Variants in BBX observed in about 807,000 individuals in gnomAD.
BBX encodes BBX high mobility group box domain containing.
In BBX, 30 loss-of-function variants were observed where a neutral mutation model predicts 100.2. The observed-to-expected ratio is 0.30, with a 90% confidence interval of 0.22 to 0.41. BBX has a LOEUF of 0.41. Among genes scored for constraint, BBX ranks in the 10% least tolerant of loss-of-function variants. The pLI, the probability that BBX is intolerant of heterozygous loss-of-function variation, is 1.00. For missense variants in BBX, 1,023 were observed against 1,129.8 expected (o/e 0.91, Z 1.35); for synonymous variants, 376 against 388.1 (o/e 0.97, Z 0.37).
At chr3:107,800,205 G>A (rs1407757305) in intron 16 of BBX, among the ~76,000 whole-genome samples, 1 of 152,188 alleles carries the variant, frequency 6.6e-6, no homozygotes, top group Non-Finnish European at 1.5e-5. Context: ...CTAACACCTA[G>A]ATGTCCTGAT....
chr3:107,553,073 G>T (rs1337361037), intron 2 of BBX, among the ~76,000 whole-genome samples: 5 of 152,112 alleles, frequency 3.3e-5, no homozygotes, highest in Non-Finnish European at 7.4e-5. Context: ...TGCTAAATTT[G>T]CTGAGTTTGA....
chr3:107,584,481 C>T (rs1291435366), intron 2 of BBX, among the ~76,000 whole-genome samples: 2 of 149,664 alleles, frequency 1.3e-5, no homozygotes, highest in South Asian at 4.2e-4. Flanking sequence ...GGATGATAGC[C>T]CCTAACGTTA....
chr3:107,537,631 A>G (rs2048590023), intron 2 of BBX, among the ~76,000 whole-genome samples: 1 of 152,206 alleles, frequency 6.6e-6, no homozygotes, highest in Admixed American at 6.5e-5. Context: ...TTAGTAAGCC[A>G]TGGCCTGGAG....
intron 13 of BBX, among the ~76,000 whole-genome samples, chr3:107,782,672 G>A (rs529397853): frequency 6.6e-6 from 1 of 152,148 alleles, no homozygotes; most frequent in Non-Finnish European, 1.5e-5. Flanking sequence ...GTGTCCTTCT[G>A]GCACCCCTCC....
At chr3:107,532,059 G>T (rs1352118638) in intron 2 of BBX, among the ~76,000 whole-genome samples, 1 of 151,986 alleles carries the variant, frequency 6.6e-6, no homozygotes, top group East Asian at 1.9e-4. Flanking sequence ...GCTGGGGGTG[G>T]TGGTGTGTGC....
intron 3 of BBX, among the ~76,000 whole-genome samples, chr3:107,651,763 A>C (rs62262002): frequency 0.12 from 17,793 of 152,160 alleles, 1,386 homozygotes; most frequent in Middle Eastern, 0.19. Context: ...CTGTCTCCTT[A>C]CCTGCCTTCT....
In BBX at chr3:107,791,357, G is replaced by A. The variant is rs772249244; in HGVS notation, c.2353+58G>A. The A allele has an allele frequency of 1.3e-5, 17 of 1,280,538 alleles. No individual in the cohort carries two copies. In the South Asian group the frequency reaches 1.3e-4, roughly 10 times the overall value. The allele number at this position is 1,280,538 out of a possible 1,614,324, so 79.3% of individuals were successfully genotyped here. ...ATCGGAGCTGGAAATGACATAAGTTGTATAGGTTTTTAAAAGGTATAATTT... is the reference window on the plus strand; with the variant it reads ...ATCGGAGCTGGAAATGACATAAGTTATATAGGTTTTTAAAAGGTATAATTT... On this transcript the variant is annotated intron_variant, in intron 15 of 17. Transcript: ENST00000325805.
At chr3:107,527,548 A>G (rs746354353) in intron 2 of BBX, among the ~76,000 whole-genome samples, 25 of 152,212 alleles carry the variant, frequency 1.6e-4, no homozygotes, top group African/African-American at 2.4e-5. Context: ...ATATACTTTC[A>G]TGTTATTGAA....
At chr3:107,749,427 A>C (rs2064887603) in intron 9 of BBX, among the ~76,000 whole-genome samples, 1 of 152,114 alleles carries the variant, frequency 6.6e-6, no homozygotes, top group African/African-American at 2.4e-5. Flanking sequence ...AAAACAATTG[A>C]TTTGCCATGT....
intron 12 of BBX, among the ~76,000 whole-genome samples, chr3:107,777,816 T>G (rs1472468243): frequency 1.3e-5 from 2 of 152,184 alleles, no homozygotes; most frequent in African/African-American, 2.4e-5. Flanking sequence ...GTATTAATGC[T>G]TTTTGTTTGT....
intron 3 of BBX, among the ~76,000 whole-genome samples, chr3:107,695,895 A>G (rs893699489): frequency 6.6e-6 from 1 of 151,820 alleles, no homozygotes; most frequent in Non-Finnish European, 1.5e-5. Flanking sequence ...TTGGGTGCAT[A>G]TATATTTAGG....
intron 2 of BBX, among the ~76,000 whole-genome samples, chr3:107,568,600 C>G (rs1003393034): frequency 6.6e-6 from 1 of 152,158 alleles, no homozygotes; most frequent in Non-Finnish European, 1.5e-5. Context: ...TCCAATTTCT[C>G]TATTCTCACC....
At chr3:107,587,650 T>G (rs1287313633) in intron 2 of BBX, among the ~76,000 whole-genome samples, 1 of 152,096 alleles carries the variant, frequency 6.6e-6, no homozygotes, top group Non-Finnish European at 1.5e-5. Context: ...CAGCAAATAG[T>G]CGGGATCGTG....
chr3:107,763,326 G>A (rs543639546), intron 10 of BBX, among the ~76,000 whole-genome samples: 35 of 151,294 alleles, frequency 2.3e-4, no homozygotes, highest in East Asian at 1.9e-4. Flanking sequence ...CCGGGTTCAC[G>A]CCACTCTCCT....
intron 3 of BBX, among the ~76,000 whole-genome samples, chr3:107,685,412 C>G (rs2059789750): frequency 1.3e-5 from 2 of 152,166 alleles, no homozygotes; most frequent in Admixed American, 1.3e-4. Flanking sequence ...TAGCCTTAAC[C>G]AAGATGATTT....
At chr3:107,723,898 C>T (rs189137095) in intron 5 of BBX, among the ~76,000 whole-genome samples, 2 of 152,090 alleles carry the variant, frequency 1.3e-5, no homozygotes, top group African/African-American at 2.4e-5. Flanking sequence ...TATAGCAGCA[C>T]GATTTATATT....
At chr3:107,525,775 C>G (rs2047723116) in intron 1 of BBX, among the ~76,000 whole-genome samples, 1 of 152,266 alleles carries the variant, frequency 6.6e-6, no homozygotes, top group African/African-American at 2.4e-5. Context: ...CTGGTCGGTT[C>G]CTATCTCCAA....
chr3:107,622,470 G>A (rs1269315824), intron 2 of BBX, among the ~76,000 whole-genome samples: 1 of 152,100 alleles, frequency 6.6e-6, no homozygotes. Context: ...TACATATCCT[G>A]TACATGCGTG....
intron 5 of BBX, among the ~76,000 whole-genome samples, chr3:107,724,361 T>C (rs1036762752): frequency 6.6e-6 from 1 of 152,170 alleles, no homozygotes; most frequent in African/African-American, 2.4e-5. Flanking sequence ...GTAGGTTGCC[T>C]GTTCACTCTG....
Sources: gnomAD v4.1 joint callset for allele counts (sites outside exome capture counted in the v4.1 genomes callset) on GRCh38, gnomAD v4.1.1 for gene constraint, MANE v1.5 for transcripts, NCBI Gene and HGNC (gene_info 2026-07-23, HGNC 2026-07-21) for gene names.